CACNA1H: variants seen among roughly 807,000 people sequenced by gnomAD.
CACNA1H encodes calcium voltage-gated channel subunit alpha1 H.
In CACNA1H, 149 loss-of-function variants were observed where a neutral mutation model predicts 192.5. The ratio of observed to expected loss-of-function variants is 0.77; its 90% CI spans 0.68 to 0.89. The LOEUF (loss-of-function observed/expected upper bound fraction) is 0.89, where lower values mean the gene tolerates loss of function less well. Ranked by LOEUF, CACNA1H falls within the 40% of genes least tolerant of loss-of-function variation. The pLI is 0.00. For missense variants in CACNA1H, 4,257 were observed against 3,423.5 expected, an observed-to-expected ratio of 1.24 and a Z score of -6.08; for synonymous variants, 2,202 against 1,475.2, an observed-to-expected ratio of 1.49 and a Z score of -11.29.
At chr16:1,154,345 G>A (rs1962006540) in intron 2 of CACNA1H, among the ~76,000 whole-genome samples, 1 of 152,162 alleles carries the variant, frequency 6.6e-6, no homozygotes, top group African/African-American at 2.4e-5. Flanking sequence ...AGGGAGGGAA[G>A]GTCCTAACTC....
intron 26 of CACNA1H, among the ~76,000 whole-genome samples, chr16:1,213,275 G>A (rs1969671206): frequency 6.6e-6 from 1 of 152,218 alleles, no homozygotes; most frequent in Admixed American, 6.5e-5. Context: ...CAGACCCAGA[G>A]ATGGAGTGGG....
intron 2 of CACNA1H, among the ~76,000 whole-genome samples, chr16:1,170,892 A>G (rs971508186): frequency 4.6e-5 from 7 of 151,910 alleles, no homozygotes; most frequent in African/African-American, 1.5e-4. Flanking sequence ...CCAACCCCGC[A>G]TTGTCTGCTT....
At chr16:1,187,876 C>G (rs150010050) in intron 2 of CACNA1H, among the ~76,000 whole-genome samples, 2 of 152,330 alleles carry the variant, frequency 1.3e-5, no homozygotes, top group African/African-American at 4.8e-5. Flanking sequence ...CTCCGTCCCT[C>G]TGTAGAAACA....
In CACNA1H at chr16:1,201,340, C is replaced by T. The variant is rs1967873153; in HGVS notation, c.1213-323C>T. 2.0e-5 allele frequency among the ~76,000 whole-genome samples: 3 copies of T among 152,220 alleles called. No individual in the cohort carries two copies. The South Asian group carries it at 6.2e-4, about 32-fold the overall frequency. On this transcript the variant is annotated intron_variant, in intron 8 of 34. Transcript: ENST00000348261. ...CTAAGGAGGAAACGCACCTGGGGTGCTGGGGAGGGGAGAGTGGCCACCGTT... is the reference window on the plus strand; with the variant it reads ...CTAAGGAGGAAACGCACCTGGGGTGTTGGGGAGGGGAGAGTGGCCACCGTT...
intron 9 of CACNA1H, among the ~76,000 whole-genome samples, 153 bp from the exon 10 acceptor site, chr16:1,203,857 G>A (rs970132583): frequency 3.3e-5 from 5 of 152,196 alleles, no homozygotes; most frequent in African/African-American, 1.2e-4. Flanking sequence ...CCTGCTTTCT[G>A]TGAAGTCCAG....
chr16:1,181,483 C>G (rs1965460401), intron 2 of CACNA1H, among the ~76,000 whole-genome samples: 1 of 152,242 alleles, frequency 6.6e-6, no homozygotes, highest in Non-Finnish European at 1.5e-5. Context: ...GAGGTCCTTG[C>G]CGGTGTGGCT....
intron 2 of CACNA1H, among the ~76,000 whole-genome samples, chr16:1,176,076 C>T (rs565152040): frequency 2.0e-5 from 3 of 152,352 alleles, no homozygotes; most frequent in African/African-American, 4.8e-5. Flanking sequence ...CCGTGTCTAG[C>T]GGGCTCTGAT....
Position 1,209,424 on chromosome 16 carries a change from G to A in CACNA1H, c.3744+12G>A. On this transcript the variant is annotated intron_variant, in intron 17 of 34. Transcript: ENST00000348261. ...ACGACTCGGAGGACGTGAGTGCGTG[G>A]CCCTGGGCCCACCGCCGACTCGCCT... The A allele has an allele frequency of 6.3e-7, 1 of 1,593,714 alleles. No homozygotes were observed. Among genetic ancestry groups the A allele is most frequent in the Non-Finnish European group, 8.5e-7 (1 of 1,176,882 alleles).
Position 1,212,419 on chromosome 16 carries a change from C to T in CACNA1H, c.4760-92C>T, listed in dbSNP as rs1001567009. The T allele has an allele frequency of 8.9e-6, 12 of 1,348,426 alleles. No homozygotes were observed. The African/African-American group carries it at 1.2e-4, about 13-fold the overall frequency. The allele number at this position is 1,348,426 out of a possible 1,614,324, so 83.5% of individuals were successfully genotyped here. Reference sequence around the variant, plus strand: ...CACTCCACGAGGAGCCAGCACAGCCCCCGAGACACGGGGGCTGAGGGAGAG... The same window carrying T: ...CACTCCACGAGGAGCCAGCACAGCCTCCGAGACACGGGGGCTGAGGGAGAG... On this transcript the variant is annotated intron_variant, in intron 25 of 34. Transcript: ENST00000348261.
At chr16:1,208,273 C>T in intron 16 of CACNA1H, 52 bp downstream of exon 16, 4 of 1,349,566 alleles carry the variant, frequency 3.0e-6, no homozygotes, top group Non-Finnish European at 3.1e-6. Flanking sequence ...TTTTCCCTGC[C>T]TGGCTCCTTA....
rs1425193378 is a variant in CACNA1H at position 1,167,680 on chromosome 16, C to T, written c.299+13644C>T. ...CCTGTGTTACATAAAGCGGTTTGGC[C>T]CATGCAAGCCGGCTCCTGGCTAGGG... On this transcript the variant is annotated intron_variant, in intron 2 of 34. Transcript: ENST00000348261. This position sits in a 1 kb window ranked among gnomAD's most constrained non-coding sequence, Gnocchi z 4.2. Among the ~76,000 whole-genome samples, 1 of 152,170 alleles carries T rather than the reference C, an allele frequency of 6.6e-6. No individual in the cohort carries two copies. The highest frequency in any genetic ancestry group is 2.4e-5 in the African/African-American group (1 of 41,430).
At chr16:1,195,859 C>A in intron 4 of CACNA1H, 67 bp from the exon 5 acceptor site, 1 of 1,261,908 alleles carries the variant, frequency 7.9e-7, no homozygotes, top group Non-Finnish European at 1.2e-6. Flanking sequence ...CCCTACTTTG[C>A]ACCCCAGCCC....
At position 1,206,299 on chromosome 16, in the gene CACNA1H, A is replaced by AC. The variant is rs1567526470; in HGVS notation, c.2789+16dup. On this transcript the variant is annotated intron_variant, in intron 12 of 34. Coordinates refer to ENST00000348261, the MANE Select transcript of CACNA1H (RefSeq NM_021098.3). ...TCATTTTCATCTTCAGGTGGGCGCA[A>AC]CCCCCCTCCCGGCCCGCCCAGTGTC... 1 of 1,548,410 alleles carries AC rather than the reference A, an allele frequency of 6.5e-7. No individual in the cohort carries two copies. The highest frequency in any genetic ancestry group is 8.7e-7 in the Non-Finnish European group (1 of 1,146,616).
At position 1,210,043 on chromosome 16, in the gene CACNA1H, C is replaced by T. The variant is rs1222478322; in HGVS notation, c.3753C>T (p.Cys1251=). 1.9e-6 allele frequency: 3 copies of T among 1,550,372 alleles called. No individual in the cohort carries two copies. Among genetic ancestry groups the T allele is most frequent in the Non-Finnish European group, 2.6e-6 (3 of 1,147,440 alleles). Residue 1251 remains cysteine, a synonymous_variant, in exon 18 of 35, where the codon TGC becomes TGT. Transcript: ENST00000348261. Reference sequence around the variant, plus strand: ...GCCGCCTCATCCCACAGAGCTGCTGCCTCCGCCTGCATAAAGTGCTGGAGC... The same window carrying T: ...GCCGCCTCATCCCACAGAGCTGCTGTCTCCGCCTGCATAAAGTGCTGGAGC... The part of the protein sequence containing the change: ...ELDDDSEDSC[C]LRLHKVLEPY...
chr16:1,184,135 G>C (rs1455162980), intron 2 of CACNA1H, among the ~76,000 whole-genome samples: 1 of 152,192 alleles, frequency 6.6e-6, no homozygotes, highest in African/African-American at 2.4e-5. Context: ...CTAGACCCCA[G>C]GGCATCACTC....
intron 5 of CACNA1H, among the ~76,000 whole-genome samples, chr16:1,198,228 C>G (rs1026198585): frequency 6.6e-6 from 1 of 152,124 alleles, no homozygotes; most frequent in Non-Finnish European, 1.5e-5. Context: ...ATCCCGAGCC[C>G]GAGATGCCAC....
chr16:1,214,017 C>G, intron 27 of CACNA1H, 86 bp downstream of exon 27: 1 of 1,187,998 alleles, frequency 8.4e-7, no homozygotes, highest in Non-Finnish European at 1.2e-6. Context: ...CCTGGACCGG[C>G]GCTCCGCTGA....
At chr16:1,175,217 T>C (rs1410627095) in intron 2 of CACNA1H, among the ~76,000 whole-genome samples, 1 of 152,114 alleles carries the variant, frequency 6.6e-6, no homozygotes, top group Non-Finnish European at 1.5e-5. Context: ...CACAGGTTAA[T>C]GTCCACAGCC....
chr16:1,219,873 C>A, intron 34 of CACNA1H, 108 bp from the exon 35 acceptor site: 1 of 836,296 alleles, frequency 1.2e-6, no homozygotes, highest in Non-Finnish European at 1.6e-6. Flanking sequence ...AGGGGACCTG[C>A]CCAGTTTGGC....
Sources: gnomAD v4.1 joint callset for allele counts (sites outside exome capture counted in the v4.1 genomes callset) on GRCh38, gnomAD v4.1.1 for gene constraint, Gnocchi (gnomAD v3.1) non-coding constraint, MANE v1.5 for transcripts, NCBI Gene and HGNC (gene_info 2026-07-23, HGNC 2026-07-21) for gene names.